The following GNG12 variants were observed in gnomAD, a reference collection of about 807,000 sequenced individuals.
GNG12 encodes the protein G protein subunit gamma 12.
For synonymous variants in GNG12, 28 were observed against 29.7 expected (o/e 0.94, Z 0.19); for missense variants, 69 against 83.8 (o/e 0.82, Z 0.69).
rs920348110 is a variant in GNG12 at position 67,818,444 on chromosome 1, T to C, written c.-77+14900A>G. Among the ~76,000 whole-genome samples, 33 of 132,288 alleles carry C rather than the reference T, an allele frequency of 2.5e-4. 1 individual carries two copies. The highest frequency in any genetic ancestry group is 1.8e-3 in the East Asian group (7 of 3,954). 86.8% of individuals were successfully genotyped at this position (132,288 alleles called of 152,430 possible). A position where few individuals can be genotyped will look rare whatever the true frequency, so the allele number is the denominator to read the frequency against. ...TTTTTTTTTTTTTTTTTTTTTTTAC[T>C]TCCAATTCAATATGGACCAATTCTT... On this transcript the variant is annotated intron_variant, in intron 1 of 3. Transcript: ENST00000370982.
intron 1 of GNG12, among the ~76,000 whole-genome samples, chr1:67,823,222 G>A (rs911271868): frequency 3.3e-5 from 5 of 152,210 alleles, no homozygotes; most frequent in Non-Finnish European, 5.9e-5. Flanking sequence ...TGCAGGAAAT[G>A]CTATTGAAAT....
At chr1:67,811,704 C>G (rs1646926972) in intron 1 of GNG12, among the ~76,000 whole-genome samples, 1 of 152,166 alleles carries the variant, frequency 6.6e-6, no homozygotes, top group South Asian at 2.1e-4. Context: ...CACATCAGGT[C>G]AAAAGACCTA....
Position 67,827,492 on chromosome 1 carries a change from C to T in GNG12, c.-77+5852G>A, listed in dbSNP as rs150022671. Among the ~76,000 whole-genome samples the T allele has an allele frequency of 3.2e-3, 483 of 151,866 alleles. 1 individual carries two copies. Among genetic ancestry groups the T allele is most frequent in the African/African-American group, 0.011 (459 of 41,362 alleles). Reference sequence around the variant, plus strand: ...CCAGGCTTGAGTACAGTGGCACGATCTCGGCTCACTGCAAGCTCTGCCTCC... The same window carrying T: ...CCAGGCTTGAGTACAGTGGCACGATTTCGGCTCACTGCAAGCTCTGCCTCC... On this transcript the variant is annotated intron_variant, in intron 1 of 3. Transcript: ENST00000370982.
chr1:67,780,502 T>G (rs1646731531), intron 1 of GNG12, among the ~76,000 whole-genome samples: 1 of 152,220 alleles, frequency 6.6e-6, no homozygotes, highest in African/African-American at 2.4e-5. Flanking sequence ...CTAGCTCATT[T>G]TTGTCTCTCC....
At chr1:67,816,849 T>C (rs1007740930) in intron 1 of GNG12, among the ~76,000 whole-genome samples, 4 of 152,190 alleles carry the variant, frequency 2.6e-5, no homozygotes, top group Non-Finnish European at 5.9e-5. Context: ...ACTCCACCTT[T>C]GCCCTCTGCT....
chr1:67,805,076 C>G (rs548273580), intron 1 of GNG12, among the ~76,000 whole-genome samples: 31 of 152,306 alleles, frequency 2.0e-4, no homozygotes, highest in African/African-American at 7.5e-4. Flanking sequence ...AAATACCCAA[C>G]TCCAGTACTC....
intron 2 of GNG12, among the ~76,000 whole-genome samples, chr1:67,715,460 G>C (rs1236081644): frequency 1.3e-5 from 2 of 152,202 alleles, no homozygotes; most frequent in Non-Finnish European, 2.9e-5. Context: ...CGATCTGGCA[G>C]GTAGAAGTGA....
At chr1:67,741,761 C>T (rs1005719486) in intron 2 of GNG12, among the ~76,000 whole-genome samples, 5 of 152,208 alleles carry the variant, frequency 3.3e-5, no homozygotes, top group African/African-American at 4.8e-5. Flanking sequence ...CTGAATTTGG[C>T]TTGCAGACCT....
chr1:67,814,488 G>A (rs764196935), intron 1 of GNG12, among the ~76,000 whole-genome samples: 1 of 152,188 alleles, frequency 6.6e-6, no homozygotes, highest in Non-Finnish European at 1.5e-5. Context: ...AATGAAGCTG[G>A]GAACTGACAA....
At chr1:67,724,134 G>A (rs1403118456) in intron 2 of GNG12, among the ~76,000 whole-genome samples, 12 of 152,140 alleles carry the variant, frequency 7.9e-5, no homozygotes, top group African/African-American at 2.9e-4. Context: ...GGTTGGCACT[G>A]GAGCATTTCC....
intron 2 of GNG12, among the ~76,000 whole-genome samples, chr1:67,727,256 T>A (rs551526379): frequency 2.6e-4 from 39 of 152,216 alleles, no homozygotes; most frequent in Non-Finnish European, 4.0e-4. Flanking sequence ...CTGGGAGAGA[T>A]CACAGGAGAC....
chr1:67,739,761 A>G (rs1017257305), intron 2 of GNG12, among the ~76,000 whole-genome samples: 39 of 152,256 alleles, frequency 2.6e-4, no homozygotes, highest in African/African-American at 7.7e-4. Context: ...TAAACCAGAC[A>G]TAGTGAGTTC....
chr1:67,815,255 C>A (rs1223572305), intron 1 of GNG12, among the ~76,000 whole-genome samples: 1 of 152,190 alleles, frequency 6.6e-6, no homozygotes, highest in Non-Finnish European at 1.5e-5. Flanking sequence ...TTTTCCTTCA[C>A]TTATATCCCT....
chr1:67,792,102 T>G (rs1284404420), intron 1 of GNG12, among the ~76,000 whole-genome samples: 1 of 152,196 alleles, frequency 6.6e-6, no homozygotes, highest in Non-Finnish European at 1.5e-5. Context: ...CTACTCTCTC[T>G]TCCCAGACTC....
intron 1 of GNG12, among the ~76,000 whole-genome samples, chr1:67,809,237 C>T (rs766164472): frequency 1.3e-5 from 2 of 151,966 alleles, no homozygotes; most frequent in South Asian, 2.1e-4. Context: ...CTGCCCCCAC[C>T]AAAAAAGAAA....
At chr1:67,720,280 G>A (rs1358204383) in intron 2 of GNG12, among the ~76,000 whole-genome samples, 4 of 152,228 alleles carry the variant, frequency 2.6e-5, no homozygotes, top group African/African-American at 7.2e-5. Flanking sequence ...AGCTGGTGAA[G>A]GCGGGCCCAT....
chr1:67,712,575 C>T (rs1420813745), intron 2 of GNG12, among the ~76,000 whole-genome samples: 5 of 152,054 alleles, frequency 3.3e-5, no homozygotes, highest in Non-Finnish European at 1.5e-5. Flanking sequence ...TATCTGTAGT[C>T]CCAGCTACTC....
chr1:67,748,407 T>C (rs1025445104), intron 2 of GNG12, among the ~76,000 whole-genome samples: 23 of 152,082 alleles, frequency 1.5e-4, no homozygotes, highest in African/African-American at 5.6e-4. Context: ...ACATGCTTTA[T>C]AAAAAAATAA....
intron 2 of GNG12, among the ~76,000 whole-genome samples, chr1:67,773,282 C>T (rs1302969830): frequency 6.6e-6 from 1 of 152,136 alleles, no homozygotes; most frequent in African/African-American, 2.4e-5. Flanking sequence ...AACATTATTC[C>T]CTATCATTCT....
Sources: gnomAD v4.1 joint callset for allele counts (sites outside exome capture counted in the v4.1 genomes callset) on GRCh38, gnomAD v4.1.1 for gene constraint, MANE v1.5 for transcripts, NCBI Gene and HGNC (gene_info 2026-07-23, HGNC 2026-07-21) for gene names.